Variants in UNC5A observed in about 807,000 individuals in gnomAD.
UNC5A encodes unc-5 netrin receptor A, also known as netrin receptor UNC5A.
In UNC5A, 20 loss-of-function variants were observed where a neutral mutation model predicts 87.4. The observed-to-expected ratio is 0.23, with a 90% CI of 0.16 to 0.33. UNC5A has a LOEUF of 0.33. Among genes scored for constraint, UNC5A ranks in the 10% least tolerant of loss-of-function variants. The pLI is 1.00. For missense variants in UNC5A, 844 were observed against 1,133.4 expected, an observed-to-expected ratio of 0.74 and a Z score of 3.67; for synonymous variants, 438 against 482.3, an observed-to-expected ratio of 0.91 and a Z score of 1.20.
chr5:176,827,219 G>A (rs1346050915), intron 1 of UNC5A, among the ~76,000 whole-genome samples: 3 of 109,388 alleles, frequency 2.7e-5, no homozygotes, highest in African/African-American at 1.1e-4. Flanking sequence ...GCCTTACTCT[G>A]TCGCCCAGGC....
At position 176,810,876 on chromosome 5, in the gene UNC5A, G is replaced by A. The variant is rs2113570651; in HGVS notation, c.70+56G>A. On this transcript the variant is annotated intron_variant, in intron 1 of 14. Transcript: ENST00000329542. This position sits in a 1 kb window ranked among gnomAD's most constrained non-coding sequence, Gnocchi z 7.3. Reference sequence around the variant, plus strand: ...CTTGCGGGGGACCGTGCGCGCGAACGCTCGCTGCTCTGGGGGTCCCTGACC... The same window carrying A: ...CTTGCGGGGGACCGTGCGCGCGAACACTCGCTGCTCTGGGGGTCCCTGACC... 3 of 1,197,072 alleles carry A rather than the reference G, an allele frequency of 2.5e-6. No individual in the cohort carries two copies. Among genetic ancestry groups the A allele is most frequent in the East Asian group, 3.4e-5 (1 of 29,634 alleles). 74.2% of individuals were successfully genotyped at this position (1,197,072 alleles called of 1,614,324 possible).
At chr5:176,813,603 G>T (rs1261715926) in intron 1 of UNC5A, among the ~76,000 whole-genome samples, 1 of 152,204 alleles carries the variant, frequency 6.6e-6, no homozygotes, top group Non-Finnish European at 1.5e-5. Context: ...TGTTGGGAGG[G>T]GGGGCTTCTC....
intron 1 of UNC5A, among the ~76,000 whole-genome samples, chr5:176,811,207 G>T (rs1384717931): frequency 3.3e-5 from 5 of 152,204 alleles, no homozygotes; most frequent in Admixed American, 2.6e-4. Flanking sequence ...CCCAGGAAAT[G>T]GGGGGTGCGG....
rs182141655 is a variant in UNC5A at position 176,827,175 on chromosome 5, A to G, written c.70+16355A>G. 1.6e-4 allele frequency among the ~76,000 whole-genome samples: 19 copies of G among 117,894 alleles called. No individual in the cohort carries two copies. In the East Asian group the frequency reaches 4.7e-3, roughly 29 times the overall value. The allele number at this position is 117,894 out of a possible 152,430, so 77.3% of individuals were successfully genotyped here. A position where few individuals can be genotyped will look rare whatever the true frequency, so the allele number is the denominator to read the frequency against. Reference sequence around the variant, plus strand: ...GCATGAAAGCATGCATCACTGCTTCATTCCTTTTTTTTTTTTTTTTTTTTT... The same window carrying G: ...GCATGAAAGCATGCATCACTGCTTCGTTCCTTTTTTTTTTTTTTTTTTTTT... On this transcript the variant is annotated intron_variant, in intron 1 of 14. Transcript: ENST00000329542.
At chr5:176,830,649 T>TGC (rs1196884013) in intron 1 of UNC5A, among the ~76,000 whole-genome samples, 14 of 136,966 alleles carry the variant, frequency 1.0e-4, no homozygotes, top group African/African-American at 3.7e-4. Context: ...GGCGTGTGCA[T>TGC]TTGTGTGTGT....
At chr5:176,857,292 G>A (rs1757690688) in intron 1 of UNC5A, among the ~76,000 whole-genome samples, 1 of 152,192 alleles carries the variant, frequency 6.6e-6, no homozygotes, top group Admixed American at 6.5e-5. Flanking sequence ...ACAGTTCCTG[G>A]CACACAGCAG....
In UNC5A at chr5:176,810,832, C is replaced by T. The variant is rs1756432422; in HGVS notation, c.70+12C>T. On this transcript the variant is annotated intron_variant, in intron 1 of 14. Transcript: ENST00000329542. The surrounding 1 kb of genome is among the most constrained non-coding windows in gnomAD (Gnocchi z 7.3). ...GCTCCGCGGCTCGGGTGAGTCACGCCGCGCGCGCTCTGGGGAGGCTTGCGG... is the reference window on the plus strand; with the variant it reads ...GCTCCGCGGCTCGGGTGAGTCACGCTGCGCGCGCTCTGGGGAGGCTTGCGG... 2 of 1,222,200 alleles carry T rather than the reference C, an allele frequency of 1.6e-6. No homozygotes were observed. Among genetic ancestry groups the T allele is most frequent in the Non-Finnish European group, 1.0e-6 (1 of 981,484 alleles). 75.7% of individuals were successfully genotyped at this position (1,222,200 alleles called of 1,614,324 possible). A position where few individuals can be genotyped will look rare whatever the true frequency, so the allele number is the denominator to read the frequency against.
intron 1 of UNC5A, among the ~76,000 whole-genome samples, chr5:176,851,032 C>T (rs1017340996): frequency 2.0e-5 from 3 of 151,326 alleles, no homozygotes; most frequent in South Asian, 4.2e-4. Flanking sequence ...GGGGCATGGA[C>T]GTGGGTCCCT....
rs1219256737 is a variant in UNC5A at position 176,841,881 on chromosome 5, T to G, written c.71-20743T>G. 6.6e-6 allele frequency among the ~76,000 whole-genome samples: 1 copy of G among 152,176 alleles called. No homozygotes were observed. The highest frequency in any genetic ancestry group is 1.5e-5 in the Non-Finnish European group (1 of 68,026). On this transcript the variant is annotated intron_variant, in intron 1 of 14. Transcript: ENST00000329542. This position sits in a 1 kb window ranked among gnomAD's most constrained non-coding sequence, Gnocchi z 4.1. ...TCAAAACCACAATGCGATACCACCT[T>G]ACTCCTGCAAGAATGGCCATAATCA...
In UNC5A at chr5:176,878,341, T is replaced by G; in HGVS notation, c.1967T>G (p.Ile656Ser). Residue 656 changes from isoleucine (I) to serine (S), a missense_variant, in exon 12 of 15, where the codon ATC (isoleucine) becomes AGC (serine). Transcript: ENST00000329542. ...KDSYHNLRLSIHDVPSSLWKS... is the reference protein window; with the variant it reads ...KDSYHNLRLSSHDVPSSLWKS... ...AGTTACCACAACCTGCGCCTATCCA[T>G]CCACGATGTGCCCAGCTCCCTGTGG... The G allele has an allele frequency of 6.2e-7, 1 of 1,613,568 alleles. No individual in the cohort carries two copies. Among genetic ancestry groups the G allele is most frequent in the Non-Finnish European group, 8.5e-7 (1 of 1,180,022 alleles).
intron 1 of UNC5A, among the ~76,000 whole-genome samples, chr5:176,813,885 C>T (rs975835837): frequency 5.3e-5 from 8 of 152,224 alleles, no homozygotes; most frequent in Non-Finnish European, 1.2e-4. Flanking sequence ...TGTGTCCACG[C>T]ATATGCATGC....
chr5:176,833,713 CT>C lies in UNC5A; in HGVS notation c.70+22907del, dbSNP rs1401997142. Among the ~76,000 whole-genome samples, 432 of 141,978 alleles carry C rather than the reference CT, an allele frequency of 3.0e-3. 1 individual carries two copies. The highest frequency in any genetic ancestry group is 7.5e-3 in the Middle Eastern group (2 of 266). The allele number at this position is 141,978 out of a possible 152,430, so 93.1% of individuals were successfully genotyped here. A position where few individuals can be genotyped will look rare whatever the true frequency, so the allele number is the denominator to read the frequency against. ...GCCTCTTTTTTTATCTTTTTTCTTT[CT>C]TTTTTTTTTTTTTGAGACGGAGTCT... On this transcript the variant is annotated intron_variant, in intron 1 of 14. Coordinates refer to ENST00000329542, the MANE Select transcript of UNC5A (RefSeq NM_133369.3).
Position 176,810,842 on chromosome 5 carries a change from C to T in UNC5A, c.70+22C>T. ...TCGGGTGAGTCACGCCGCGCGCGCT[C>T]TGGGGAGGCTTGCGGGGGACCGTGC... On this transcript the variant is annotated intron_variant, in intron 1 of 14. Coordinates refer to ENST00000329542, the MANE Select transcript of UNC5A (RefSeq NM_133369.3). This position sits in a 1 kb window ranked among gnomAD's most constrained non-coding sequence, Gnocchi z 7.3. 1.6e-6 allele frequency: 2 copies of T among 1,222,072 alleles called. No individual in the cohort carries two copies. Among genetic ancestry groups the T allele is most frequent in the Non-Finnish European group, 2.0e-6 (2 of 981,418 alleles). The allele number at this position is 1,222,072 out of a possible 1,614,324, so 75.7% of individuals were successfully genotyped here.
intron 6 of UNC5A, among the ~76,000 whole-genome samples, chr5:176,870,984 G>A (rs369562573): frequency 5.6e-4 from 40 of 71,458 alleles, no homozygotes; most frequent in Admixed American, 1.1e-3. Flanking sequence ...ATCTGCCCAC[G>A]CTCGCCCCAC....
chr5:176,811,069 C>T (rs1026963559), intron 1 of UNC5A, among the ~76,000 whole-genome samples: 3 of 152,188 alleles, frequency 2.0e-5, no homozygotes, highest in African/African-American at 7.2e-5. Flanking sequence ...GTGTAGACAC[C>T]CCACGCCTCC....
chr5:176,811,898 G>T (rs1756465121), intron 1 of UNC5A, among the ~76,000 whole-genome samples: 1 of 152,130 alleles, frequency 6.6e-6, no homozygotes, highest in Admixed American at 6.5e-5. Flanking sequence ...GGGTTTCTGA[G>T]CTGCCAAACC....
At chr5:176,879,187 A>T in intron 13 of UNC5A, 123 bp from the exon 14 acceptor site, 1 of 1,197,080 alleles carries the variant, frequency 8.4e-7, no homozygotes, top group Non-Finnish European at 1.2e-6. Context: ...GTGCCCAGGA[A>T]GTACCAGTGC....
At chr5:176,818,390 C>A (rs948214014) in intron 1 of UNC5A, among the ~76,000 whole-genome samples, 4 of 152,246 alleles carry the variant, frequency 2.6e-5, no homozygotes, top group African/African-American at 9.6e-5. Context: ...ATTCATTCTC[C>A]TTCTGCTAAG....
chr5:176,863,028 A>G (rs1354519677), intron 2 of UNC5A, among the ~76,000 whole-genome samples, 183 bp downstream of exon 2: 1 of 152,174 alleles, frequency 6.6e-6, no homozygotes, highest in Non-Finnish European at 1.5e-5. Flanking sequence ...ATGACCAAGG[A>G]GCTCCCAGAC....
Sources: gnomAD v4.1 joint callset for allele counts (sites outside exome capture counted in the v4.1 genomes callset) on GRCh38, gnomAD v4.1.1 for gene constraint, Gnocchi (gnomAD v3.1) non-coding constraint, MANE v1.5 for transcripts, NCBI Gene and HGNC (gene_info 2026-07-23, HGNC 2026-07-21) for gene names.